The following MDGA2 variants were observed in gnomAD, a reference collection of about 807,000 sequenced individuals.
MDGA2 encodes MAM domain-containing glycosylphosphatidylinositol anchor protein 2.
A neutral mutation model predicts 117.8 loss-of-function variants in MDGA2; 40 were observed. The ratio of observed to expected loss-of-function variants is 0.34; its 90% CI spans 0.26 to 0.44. The LOEUF (loss-of-function observed/expected upper bound fraction) is 0.44. MDGA2 is among the 20% of genes least tolerant of loss of function. The pLI, the probability that MDGA2 is intolerant of heterozygous loss-of-function variation, is 1.00. For missense variants in MDGA2, 1,123 were observed against 1,250.6 expected, an observed-to-expected ratio of 0.90 and a Z score of 1.54; for synonymous variants, 452 against 439.0, an observed-to-expected ratio of 1.03 and a Z score of -0.37.
chr14:47,228,878 T>A (rs1481087853), intron 2 of MDGA2, among the ~76,000 whole-genome samples: 1 of 152,150 alleles, frequency 6.6e-6, no homozygotes, highest in Admixed American at 6.6e-5. Context: ...GGAAGTTCAT[T>A]AGAAACTCAG....
chr14:47,124,455 A>G (rs1881800420), intron 5 of MDGA2, among the ~76,000 whole-genome samples: 1 of 152,132 alleles, frequency 6.6e-6, no homozygotes. Flanking sequence ...GTTCTCAGTG[A>G]GGAATAGGCT....
intron 6 of MDGA2, among the ~76,000 whole-genome samples, chr14:47,075,652 C>T (rs1024059625): frequency 2.6e-5 from 4 of 152,086 alleles, no homozygotes; most frequent in African/African-American, 7.2e-5. Flanking sequence ...CCAAGCTACT[C>T]TCAAAGGACT....
At chr14:47,134,798 A>ATATATATAT (rs1882374294) in intron 4 of MDGA2, among the ~76,000 whole-genome samples, 2 of 138,288 alleles carry the variant, frequency 1.4e-5, no homozygotes, top group Non-Finnish European at 3.2e-5. Flanking sequence ...TATATATATC[A>ATATATATAT]CACACATAAT....
chr14:47,614,779 A>C (rs1446266414), intron 1 of MDGA2, among the ~76,000 whole-genome samples: 1 of 152,214 alleles, frequency 6.6e-6, no homozygotes, highest in Non-Finnish European at 1.5e-5. Flanking sequence ...GTAAGATGTT[A>C]AGGTACATGT....
At chr14:47,261,382 T>TC (rs1241467215) in intron 2 of MDGA2, among the ~76,000 whole-genome samples, 1 of 152,114 alleles carries the variant, frequency 6.6e-6, no homozygotes, top group Non-Finnish European at 1.5e-5. Context: ...TGAAATTAGA[T>TC]CTTGGATATC....
chr14:46,976,954 A>G (rs1886485082), intron 8 of MDGA2, among the ~76,000 whole-genome samples: 1 of 151,972 alleles, frequency 6.6e-6, no homozygotes, highest in South Asian at 2.1e-4. Context: ...ATACCATTTT[A>G]TATTATTCAA....
chr14:47,082,686 T>C (rs1198405092), intron 6 of MDGA2, among the ~76,000 whole-genome samples: 1 of 151,736 alleles, frequency 6.6e-6, no homozygotes, highest in Non-Finnish European at 1.5e-5. Flanking sequence ...TGGCAGTCAG[T>C]AAAAAATAAG....
At chr14:47,173,650 C>T (rs1043810330) in intron 3 of MDGA2, among the ~76,000 whole-genome samples, 2 of 152,110 alleles carry the variant, frequency 1.3e-5, no homozygotes, top group African/African-American at 2.4e-5. Context: ...CTGAAGGAAG[C>T]ACTAAACATG....
intron 1 of MDGA2, among the ~76,000 whole-genome samples, chr14:47,464,870 CAAACA>C (rs572464318): frequency 9.2e-5 from 14 of 151,916 alleles, no homozygotes; most frequent in African/African-American, 2.2e-4. Context: ...CAATCCTAAG[CAAACA>C]AAACAAAACA....
chr14:47,576,581 T>C (rs1010364574), intron 1 of MDGA2, among the ~76,000 whole-genome samples: 4 of 152,316 alleles, frequency 2.6e-5, no homozygotes, highest in Admixed American at 2.0e-4. Flanking sequence ...GGTGCATACA[T>C]GAGAAGGGAG....
intron 6 of MDGA2, among the ~76,000 whole-genome samples, chr14:47,089,316 T>G (rs573116697): frequency 6.6e-6 from 1 of 152,276 alleles, no homozygotes; most frequent in South Asian, 2.1e-4. Context: ...AGCTCTATTA[T>G]TTAAATAAAG....
intron 1 of MDGA2, among the ~76,000 whole-genome samples, chr14:47,573,682 T>C (rs1156583270): frequency 6.6e-6 from 1 of 152,224 alleles, no homozygotes; most frequent in East Asian, 1.9e-4. Flanking sequence ...TAACATGCAT[T>C]TACTGGCCAA....
chr14:47,204,357 T>C (rs542438477), intron 3 of MDGA2, among the ~76,000 whole-genome samples: 5 of 152,156 alleles, frequency 3.3e-5, no homozygotes, highest in African/African-American at 7.2e-5. Context: ...GATTTATGCA[T>C]ATATGTCTTT....
chr14:47,037,419 T>C (rs1228358602), intron 7 of MDGA2, among the ~76,000 whole-genome samples: 3 of 152,214 alleles, frequency 2.0e-5, no homozygotes, highest in Non-Finnish European at 4.4e-5. Flanking sequence ...AAGATATGAA[T>C]ACTGAAGCAG....
intron 1 of MDGA2, among the ~76,000 whole-genome samples, chr14:47,581,379 A>G (rs891687764): frequency 6.6e-6 from 1 of 152,016 alleles, no homozygotes; most frequent in Non-Finnish European, 1.5e-5. Context: ...ATTTGAGGAT[A>G]TAAGAATTGG....
intron 10 of MDGA2, among the ~76,000 whole-genome samples, chr14:46,913,619 T>C (rs184419681): frequency 1.3e-5 from 2 of 152,314 alleles, no homozygotes; most frequent in Non-Finnish European, 2.9e-5. Flanking sequence ...ACATATCTTT[T>C]TTGCTTATTA....
chr14:47,599,276 G>T (rs970394633), intron 1 of MDGA2, among the ~76,000 whole-genome samples: 3 of 150,130 alleles, frequency 2.0e-5, no homozygotes, highest in African/African-American at 7.3e-5. Flanking sequence ...CTGCTATCAG[G>T]AAAGAATGAA....
In MDGA2 at chr14:47,580,582, G is replaced by A. The variant is rs1594928060; in HGVS notation, c.280+93935C>T. Among the ~76,000 whole-genome samples, 5 of 151,816 alleles carry A rather than the reference G, an allele frequency of 3.3e-5. 1 individual carries two copies. Among genetic ancestry groups the A allele is most frequent in the Admixed American group, 3.3e-4 (5 of 15,220 alleles). On this transcript the variant is annotated intron_variant, in intron 1 of 16. Coordinates refer to ENST00000399232, the MANE Select transcript of MDGA2 (RefSeq NM_001113498.3). ...CAGAAGATCTGAGATTGTAGAAACA[G>A]AAATTTAAAGGGGAAATATTCCACC... is the stretch of plus-strand genomic sequence containing the variant.
chr14:47,409,320 A>T (rs1892324184), intron 1 of MDGA2, among the ~76,000 whole-genome samples: 1 of 152,330 alleles, frequency 6.6e-6, no homozygotes, highest in Non-Finnish European at 1.5e-5. Context: ...GGTGATGGGA[A>T]GGGACTCTGC....
Sources: gnomAD v4.1 joint callset for allele counts (sites outside exome capture counted in the v4.1 genomes callset) on GRCh38, gnomAD v4.1.1 for gene constraint, MANE v1.5 for transcripts, NCBI Gene and HGNC (gene_info 2026-07-23, HGNC 2026-07-21) for gene names.